Variants in GALNT13 observed in about 807,000 individuals in gnomAD.
GALNT13 encodes the protein UDP-GalNAc:polypeptide N-acetylgalactosaminyltransferase 13.
GALNT13 carries 28 observed loss-of-function variants against 64.2 expected under a neutral mutation model. The observed-to-expected ratio is 0.44, with a 90% CI of 0.32 to 0.60. The LOEUF is 0.60. Ranked by LOEUF, GALNT13 falls within the 20% of genes least tolerant of loss-of-function variation. GALNT13 has a pLI of 0.05. For missense variants in GALNT13, 577 were observed against 669.8 expected, an observed-to-expected ratio of 0.86 and a Z score of 1.53; for synonymous variants, 214 against 224.6, an observed-to-expected ratio of 0.95 and a Z score of 0.42.
At chr2:153,676,975 C>G in the GALNT13 span, among the ~76,000 whole-genome samples, 1 of 151,968 alleles carries the variant, frequency 6.6e-6, no homozygotes, top group Non-Finnish European at 1.5e-5. Flanking sequence ...ACAAGACAAG[C>G]ATGGCCACTC....
chr2:153,329,392 A>C, the GALNT13 span, among the ~76,000 whole-genome samples: 1 of 152,184 alleles, frequency 6.6e-6, no homozygotes, highest in African/African-American at 2.4e-5. Context: ...CATTCTTATC[A>C]ACAGTGTATA....
At chr2:154,239,456 G>GC (rs1233995562) in intron 4 of GALNT13, among the ~76,000 whole-genome samples, 2 of 151,906 alleles carry the variant, frequency 1.3e-5, no homozygotes, top group Admixed American at 1.3e-4. Context: ...TCTTGGCTTT[G>GC]CATGCTCAAA....
chr2:153,414,114 A>G, the GALNT13 span, among the ~76,000 whole-genome samples: 3 of 152,112 alleles, frequency 2.0e-5, no homozygotes, highest in African/African-American at 4.8e-5. Context: ...AGTGGCTCAC[A>G]CTTATAATCC....
intron 9 of GALNT13, among the ~76,000 whole-genome samples, chr2:154,351,925 G>C (rs1007688409): frequency 2.0e-5 from 3 of 151,606 alleles, no homozygotes; most frequent in African/African-American, 4.8e-5. Context: ...TTCTCCACAG[G>C]GTTCATTTTT....
chr2:153,918,294 C>T (rs1180504674), intron 2 of GALNT13, among the ~76,000 whole-genome samples: 3 of 152,110 alleles, frequency 2.0e-5, no homozygotes, highest in Middle Eastern at 3.2e-3. Flanking sequence ...GCTCCTAATT[C>T]TCTCTGGGTG....
At chr2:153,183,219 T>C in the GALNT13 span, among the ~76,000 whole-genome samples, 1 of 152,246 alleles carries the variant, frequency 6.6e-6, no homozygotes, top group African/African-American at 2.4e-5. Context: ...TGCATTTCTC[T>C]AATGATCCAT....
At chr2:154,341,676 G>A (rs1473085212) in intron 9 of GALNT13, among the ~76,000 whole-genome samples, 1 of 151,944 alleles carries the variant, frequency 6.6e-6, no homozygotes, top group African/African-American at 2.4e-5. Context: ...GTAGGACACA[G>A]CAAGTACTCT....
chr2:153,917,857 A>G (rs1689488633), intron 2 of GALNT13, among the ~76,000 whole-genome samples: 1 of 151,818 alleles, frequency 6.6e-6, no homozygotes, highest in African/African-American at 2.4e-5. Context: ...AGAAGCAGAG[A>G]GAGAGAGAAA....
the GALNT13 span, among the ~76,000 whole-genome samples, chr2:153,202,463 A>G: frequency 6.6e-6 from 1 of 152,208 alleles, no homozygotes; most frequent in Non-Finnish European, 1.5e-5. Context: ...CTAGTTTGGT[A>G]GTATAATTCC....
intron 4 of GALNT13, among the ~76,000 whole-genome samples, chr2:154,203,155 A>G (rs1297045410): frequency 6.6e-6 from 1 of 152,160 alleles, no homozygotes; most frequent in Non-Finnish European, 1.5e-5. Flanking sequence ...GGAGGGAGAT[A>G]CAAATTAATA....
chr2:154,030,200 G>T (rs569707482), intron 3 of GALNT13, among the ~76,000 whole-genome samples: 4 of 152,124 alleles, frequency 2.6e-5, no homozygotes, highest in African/African-American at 9.6e-5. Context: ...AATTGAAGAA[G>T]CTCAGAGAAC....
chr2:153,649,292 T>A, the GALNT13 span, among the ~76,000 whole-genome samples: 15 of 152,354 alleles, frequency 9.8e-5, no homozygotes, highest in South Asian at 3.1e-3. Flanking sequence ...TTTCTATTTC[T>A]GTGGGATCAG....
intron 3 of GALNT13, among the ~76,000 whole-genome samples, chr2:154,116,721 T>A (rs990403387): frequency 6.6e-6 from 1 of 152,118 alleles, no homozygotes; most frequent in African/African-American, 2.4e-5. Context: ...CTCCATACTA[T>A]TAGAAGTAGA....
At chr2:153,244,684 A>T in the GALNT13 span, among the ~76,000 whole-genome samples, 9 of 152,214 alleles carry the variant, frequency 5.9e-5, no homozygotes, top group African/African-American at 1.9e-4. Context: ...ATACCTTTGC[A>T]GCTAGCTTGG....
At chr2:153,702,467 AAAAT>A in the GALNT13 span, among the ~76,000 whole-genome samples, 4 of 151,924 alleles carry the variant, frequency 2.6e-5, no homozygotes, top group South Asian at 2.1e-4. Flanking sequence ...GAAATTAAAT[AAAAT>A]AAATAAATAA....
intron 3 of GALNT13, among the ~76,000 whole-genome samples, chr2:153,968,786 T>A (rs148695274): frequency 1.3e-5 from 2 of 152,336 alleles, no homozygotes; most frequent in East Asian, 3.9e-4. Context: ...TATCCTTGTT[T>A]GTAATAGTTT....
chr2:154,193,737 TA>T (rs1686724867), intron 4 of GALNT13, among the ~76,000 whole-genome samples: 1 of 152,182 alleles, frequency 6.6e-6, no homozygotes, highest in South Asian at 2.1e-4. Flanking sequence ...TTCTAATGTT[TA>T]TAGGTAATAC....
chr2:153,650,260 TG>T, the GALNT13 span, among the ~76,000 whole-genome samples: 3 of 152,176 alleles, frequency 2.0e-5, no homozygotes, highest in Non-Finnish European at 4.4e-5. Flanking sequence ...GTTTAAAGTC[TG>T]TTTTATCAGA....
chr2:154,354,551 C>G (rs1009498328), intron 9 of GALNT13, among the ~76,000 whole-genome samples: 1 of 150,444 alleles, frequency 6.6e-6, no homozygotes, highest in Non-Finnish European at 1.5e-5. Flanking sequence ...TCAGATCTTA[C>G]ATTTAAGTCC....
Sources: allele counts gnomAD v4.1 joint callset (sites outside exome capture counted in the v4.1 genomes callset), GRCh38; gene constraint gnomAD v4.1.1; transcripts MANE v1.5; gene names NCBI Gene and HGNC (gene_info 2026-07-23, HGNC 2026-07-21).